Variants in ADCY9 observed in about 807,000 individuals in gnomAD.
The protein encoded by ADCY9 is adenylate cyclase 9.
In ADCY9, 50 loss-of-function variants were observed where a neutral mutation model predicts 101.5. The observed-to-expected ratio is 0.49, with a 90% CI of 0.39 to 0.62. The LOEUF (loss-of-function observed/expected upper bound fraction) is 0.62, where lower values mean the gene tolerates loss of function less well. Among genes scored for constraint, ADCY9 ranks in the 20% least tolerant of loss-of-function variants. ADCY9 has a pLI of 0.00. For missense variants in ADCY9, 1,662 were observed against 1,800.4 expected, an observed-to-expected ratio of 0.92 and a Z score of 1.39; for synonymous variants, 905 against 769.3, an observed-to-expected ratio of 1.18 and a Z score of -2.92.
At chr16:4,080,063 G>A (rs2056892209) in intron 2 of ADCY9, among the ~76,000 whole-genome samples, 1 of 151,864 alleles carries the variant, frequency 6.6e-6, no homozygotes, top group Non-Finnish European at 1.5e-5. Flanking sequence ...AGCTCAAACA[G>A]GAAATGATTA....
Position 4,051,805 on chromosome 16 carries a change from C to G in ADCY9, c.1694-44247G>C, listed in dbSNP as rs571384919. Among the ~76,000 whole-genome samples, 10 of 152,282 alleles carry G rather than the reference C, an allele frequency of 6.6e-5. No homozygotes were observed. In the South Asian group the frequency reaches 2.1e-3, roughly 32 times the overall value. ...GAAACAATGCAACTAGAAACATCAC[C>G]ATTTGGCAATGCTCATACTAATTCC... is the stretch of plus-strand genomic sequence containing the variant. On this transcript the variant is annotated intron_variant, in intron 2 of 10. Transcript: ENST00000294016.
chr16:3,999,718 C>T (rs2056316700), intron 3 of ADCY9, among the ~76,000 whole-genome samples: 1 of 152,208 alleles, frequency 6.6e-6, no homozygotes, highest in African/African-American at 2.4e-5. Flanking sequence ...GCAAACTCTG[C>T]ATTTTTCCGG....
chr16:4,047,913 C>T (rs1196478850), intron 2 of ADCY9, among the ~76,000 whole-genome samples: 1 of 152,182 alleles, frequency 6.6e-6, no homozygotes, highest in Non-Finnish European at 1.5e-5. Context: ...CCTCCCTTAC[C>T]CAGGTAGCCA....
intron 3 of ADCY9, among the ~76,000 whole-genome samples, chr16:4,002,746 A>G (rs1381720262): frequency 6.6e-6 from 1 of 152,140 alleles, no homozygotes; most frequent in East Asian, 1.9e-4. Context: ...ATGGAGTCTC[A>G]CTCTATTGCC....
chr16:4,095,007 ATTTTT>A (rs34980572), intron 2 of ADCY9, among the ~76,000 whole-genome samples: 19 of 128,834 alleles, frequency 1.5e-4, no homozygotes, highest in East Asian at 8.7e-4. Context: ...ATGACATTTA[ATTTTT>A]TTTTTTTTTT....
At chr16:4,060,619 A>G (rs555128649) in intron 2 of ADCY9, among the ~76,000 whole-genome samples, 1 of 152,234 alleles carries the variant, frequency 6.6e-6, no homozygotes, top group African/African-American at 2.4e-5. Context: ...GCTTAAACAC[A>G]TTTTAAAAAT....
intron 2 of ADCY9, among the ~76,000 whole-genome samples, chr16:4,060,210 G>C (rs575175807): frequency 3.3e-5 from 5 of 152,358 alleles, no homozygotes; most frequent in African/African-American, 4.8e-5. Flanking sequence ...GCAACCAACA[G>C]ATCAGGAGAC....
chr16:4,064,813 A>AG (rs952477682), intron 2 of ADCY9, among the ~76,000 whole-genome samples: 3 of 152,162 alleles, frequency 2.0e-5, no homozygotes, highest in African/African-American at 4.8e-5. Context: ...CAAAAAAAAA[A>AG]GAAGACTACA....
rs1019625619 is a variant in ADCY9 at position 4,030,280 on chromosome 16, C to T, written c.1694-22722G>A. On this transcript the variant is annotated intron_variant, in intron 2 of 10. Coordinates refer to ENST00000294016, the MANE Select transcript of ADCY9 (RefSeq NM_001116.4). The stretch of plus-strand genomic sequence containing the variant: ...CCCATGTATCCATCAAGAGGAGGAT[C>T]GATGGATACGTTGTGATATGACCGA... 2.0e-5 allele frequency among the ~76,000 whole-genome samples: 3 copies of T among 152,046 alleles called. No individual in the cohort carries two copies. The East Asian group carries it at 5.8e-4, about 29-fold the overall frequency.
intron 5 of ADCY9, among the ~76,000 whole-genome samples, chr16:3,953,860 C>A (rs1180623606): frequency 6.6e-6 from 1 of 152,226 alleles, no homozygotes; most frequent in East Asian, 1.9e-4. Flanking sequence ...GACAAAGTGA[C>A]CATCAGCACG....
chr16:3,982,268 G>T (rs141026773), intron 7 of ADCY9: 1 of 152,478 alleles, frequency 6.6e-6, no homozygotes, highest in Non-Finnish European at 1.5e-5. Flanking sequence ...GCATTCCGGC[G>T]CCTCACGCCA....
chr16:4,031,949 C>T (rs555742583), intron 2 of ADCY9: 1 of 151,768 alleles, frequency 6.6e-6, no homozygotes, highest in Admixed American at 6.6e-5. Context: ...AGCCAAAAAA[C>T]AGACAAGCCA....
chr16:3,994,389 C>A (rs957070351), intron 3 of ADCY9, among the ~76,000 whole-genome samples: 2 of 152,182 alleles, frequency 1.3e-5, no homozygotes, highest in Non-Finnish European at 2.9e-5. Flanking sequence ...AAATTGATCA[C>A]GGTGATGGTT....
intron 2 of ADCY9, among the ~76,000 whole-genome samples, chr16:4,080,768 C>CA (rs2056896899): frequency 6.7e-6 from 1 of 148,812 alleles, no homozygotes; most frequent in Non-Finnish European, 1.5e-5. Flanking sequence ...AAACATTCCA[C>CA]ATGGCAACCA....
At chr16:4,012,569 G>C (rs974337959) in intron 2 of ADCY9, among the ~76,000 whole-genome samples, 12 of 151,790 alleles carry the variant, frequency 7.9e-5, no homozygotes, top group African/African-American at 2.7e-4. Flanking sequence ...GTTATCCATT[G>C]ATTTTAAACC....
intron 2 of ADCY9, among the ~76,000 whole-genome samples, chr16:4,022,440 G>C (rs901778505): frequency 2.3e-5 from 3 of 130,324 alleles, no homozygotes; most frequent in South Asian, 2.4e-4. Context: ...GCAGTGAGCC[G>C]AGATTGCACC....
Position 3,996,900 on chromosome 16 carries a change from T to C in ADCY9, c.1885-3390A>G, listed in dbSNP as rs977809904. Among the ~76,000 whole-genome samples the C allele has an allele frequency of 3.9e-5, 6 of 152,310 alleles. No homozygotes were observed. In the East Asian group the frequency reaches 1.2e-3, roughly 29 times the overall value. On this transcript the variant is annotated intron_variant, in intron 3 of 10. Coordinates refer to ENST00000294016, the MANE Select transcript of ADCY9 (RefSeq NM_001116.4). Reference sequence around the variant, plus strand: ...GTTTTTTTGGGACTGAGTCTCGCTCTGTCACCCAGGCTGGAGTGCAGTGGG... The same window carrying C: ...GTTTTTTTGGGACTGAGTCTCGCTCCGTCACCCAGGCTGGAGTGCAGTGGG...
intron 2 of ADCY9, among the ~76,000 whole-genome samples, chr16:4,104,576 C>T (rs1178161264): frequency 6.6e-6 from 1 of 151,998 alleles, no homozygotes; most frequent in Non-Finnish European, 1.5e-5. Context: ...AGCACCACTG[C>T]ACTCCAGCCT....
chr16:4,073,698 A>G (rs2141171771), intron 2 of ADCY9, among the ~76,000 whole-genome samples: 1 of 152,288 alleles, frequency 6.6e-6, no homozygotes, highest in African/African-American at 2.4e-5. Context: ...TGCCCGGCCT[A>G]AAAACATTTT....
Sources: allele counts gnomAD v4.1 joint callset (sites outside exome capture counted in the v4.1 genomes callset), GRCh38; gene constraint gnomAD v4.1.1; transcripts MANE v1.5; gene names NCBI Gene and HGNC (gene_info 2026-07-23, HGNC 2026-07-21).